Variants in NLGN1 observed in about 807,000 individuals in gnomAD.
The protein encoded by NLGN1 is neuroligin 1, also known as neuroligin-1.
A neutral mutation model predicts 65.5 loss-of-function variants in NLGN1; 12 were observed. That is an observed-to-expected ratio of 0.18 (90% CI 0.12 to 0.30). NLGN1 has a LOEUF of 0.30. NLGN1 is among the 10% of genes least tolerant of loss of function. The pLI, the probability that NLGN1 is intolerant of heterozygous loss-of-function variation, is 1.00. For missense variants in NLGN1, 750 were observed against 1,007.1 expected, an observed-to-expected ratio of 0.74 and a Z score of 3.46; for synonymous variants, 350 against 359.5, an observed-to-expected ratio of 0.97 and a Z score of 0.30.
intron 4 of NLGN1, among the ~76,000 whole-genome samples, chr3:174,170,221 A>G (rs942888440): frequency 7.0e-6 from 1 of 143,066 alleles, no homozygotes; most frequent in African/African-American, 2.6e-5. Flanking sequence ...ATCATCTTTG[A>G]AAAAAAAAAA....
chr3:174,065,198 TG>T (rs1411910796), intron 4 of NLGN1, among the ~76,000 whole-genome samples: 5 of 152,090 alleles, frequency 3.3e-5, no homozygotes, highest in Admixed American at 2.6e-4. Context: ...GCACAAATAA[TG>T]AGAAAATAAA....
chr3:173,653,472 C>G (rs1405700511), intron 3 of NLGN1, among the ~76,000 whole-genome samples: 1 of 152,088 alleles, frequency 6.6e-6, no homozygotes, highest in Non-Finnish European at 1.5e-5. Flanking sequence ...CTATTAAATG[C>G]TTTTTCTGAA....
intron 4 of NLGN1, among the ~76,000 whole-genome samples, chr3:174,042,777 A>G (rs1732643791): frequency 6.6e-6 from 1 of 152,222 alleles, no homozygotes; most frequent in Non-Finnish European, 1.5e-5. Context: ...TCAGAGTGGT[A>G]GAATGTGTCA....
At chr3:174,236,044 A>G (rs1412067293) in intron 4 of NLGN1, among the ~76,000 whole-genome samples, 5 of 152,168 alleles carry the variant, frequency 3.3e-5, no homozygotes, top group South Asian at 2.1e-4. Flanking sequence ...TCTTTCTTCA[A>G]TACTTAGATT....
At chr3:174,178,534 A>G (rs1462854070) in intron 4 of NLGN1, among the ~76,000 whole-genome samples, 1 of 152,126 alleles carries the variant, frequency 6.6e-6, no homozygotes, top group African/African-American at 2.4e-5. Context: ...GAAGATGAGT[A>G]TTTCACTGCC....
At chr3:173,898,556 G>A (rs972212005) in intron 4 of NLGN1, among the ~76,000 whole-genome samples, 14 of 152,180 alleles carry the variant, frequency 9.2e-5, no homozygotes, top group African/African-American at 3.4e-4. Flanking sequence ...TACTGGTATG[G>A]CATGTTAACA....
intron 4 of NLGN1, among the ~76,000 whole-genome samples, chr3:173,901,829 T>C (rs1170032998): frequency 6.6e-6 from 1 of 152,088 alleles, no homozygotes; most frequent in Non-Finnish European, 1.5e-5. Context: ...CTGAGCTGAA[T>C]TGAAAGGACG....
intron 3 of NLGN1, among the ~76,000 whole-genome samples, chr3:173,647,668 T>G (rs2149621051): frequency 6.6e-6 from 1 of 152,184 alleles, no homozygotes; most frequent in East Asian, 1.9e-4. Flanking sequence ...GAACTTCCCC[T>G]AAGCAGACAT....
At chr3:173,577,783 C>T (rs1745741697) in intron 2 of NLGN1, among the ~76,000 whole-genome samples, 1 of 152,056 alleles carries the variant, frequency 6.6e-6, no homozygotes, top group Admixed American at 6.5e-5. Context: ...CTTTGAAAAA[C>T]TTGTGACATA....
At chr3:174,010,563 T>G (rs1418097129) in intron 4 of NLGN1, among the ~76,000 whole-genome samples, 1 of 152,196 alleles carries the variant, frequency 6.6e-6, no homozygotes, top group Non-Finnish European at 1.5e-5. Context: ...CAACATTTCT[T>G]TCTGATTTGA....
intron 2 of NLGN1, among the ~76,000 whole-genome samples, chr3:173,601,485 C>T (rs191260748): frequency 1.6e-3 from 250 of 152,098 alleles, no homozygotes; most frequent in African/African-American, 5.5e-3. Flanking sequence ...CTTTTACATA[C>T]TTTAAGCTTT....
chr3:173,584,244 G>GAA (rs78174265), intron 2 of NLGN1, among the ~76,000 whole-genome samples: 5,951 of 80,626 alleles, frequency 0.074, 407 homozygotes, highest in African/African-American at 0.22. Flanking sequence ...GGGGCAGAAA[G>GAA]AAAAAAAAAA....
intron 3 of NLGN1, among the ~76,000 whole-genome samples, chr3:173,621,004 G>A (rs923653664): frequency 6.6e-6 from 1 of 152,146 alleles, no homozygotes; most frequent in African/African-American, 2.4e-5. Flanking sequence ...CATATTGATT[G>A]AATTCAACGT....
chr3:174,170,693 C>T (rs1728360683), intron 4 of NLGN1, among the ~76,000 whole-genome samples: 1 of 152,112 alleles, frequency 6.6e-6, no homozygotes, highest in African/African-American at 2.4e-5. Flanking sequence ...ACATATGGCA[C>T]TAGCTAATGT....
intron 4 of NLGN1, among the ~76,000 whole-genome samples, chr3:174,272,665 G>GGATAGATA (rs779724767): frequency 0.051 from 5,947 of 116,538 alleles, 141 homozygotes; most frequent in Non-Finnish European, 0.063. Context: ...ATGGATGGAT[G>GGATAGATA]GATAGATAGA....
intron 4 of NLGN1, among the ~76,000 whole-genome samples, chr3:173,812,765 A>G (rs1406697152): frequency 6.8e-6 from 1 of 147,120 alleles, no homozygotes; most frequent in Non-Finnish European, 1.5e-5. Context: ...GCGTGTATAT[A>G]TATATATGTG....
chr3:173,791,198 T>C (rs998727056), intron 3 of NLGN1, among the ~76,000 whole-genome samples: 2 of 152,140 alleles, frequency 1.3e-5, no homozygotes, highest in African/African-American at 2.4e-5. Flanking sequence ...TCCTGGGAAA[T>C]TGGCCCAGCC....
chr3:173,487,312 T>G (rs971958985), intron 2 of NLGN1, among the ~76,000 whole-genome samples: 6 of 148,068 alleles, frequency 4.1e-5, no homozygotes, highest in African/African-American at 1.3e-4. Context: ...GAATTAGGAG[T>G]TTTTTTTTAT....
intron 3 of NLGN1, among the ~76,000 whole-genome samples, chr3:173,754,214 CTTTTGTAGTT>C (rs903795079): frequency 2.0e-5 from 3 of 151,442 alleles, no homozygotes; most frequent in Non-Finnish European, 4.4e-5. Context: ...GCCTGGCTAA[CTTTTGTAGTT>C]TTTTGTAGAG....
Sources: gnomAD v4.1 joint callset for allele counts (sites outside exome capture counted in the v4.1 genomes callset) on GRCh38, gnomAD v4.1.1 for gene constraint, MANE v1.5 for transcripts, NCBI Gene and HGNC (gene_info 2026-07-23, HGNC 2026-07-21) for gene names.